Variants in LCA5 observed in about 807,000 individuals in gnomAD.
The protein encoded by LCA5 is lebercilin LCA5, also known as lebercilin.
LCA5 carries 37 observed loss-of-function variants against 53.0 expected under a neutral mutation model. The ratio of observed to expected loss-of-function variants is 0.70; its 90% CI spans 0.54 to 0.92. The LOEUF is 0.92. LCA5 is among the 40% of genes least tolerant of loss of function. LCA5 has a pLI of 0.00. For synonymous variants in LCA5, 303 were observed against 282.9 expected, an observed-to-expected ratio of 1.07 and a Z score of -0.71; for missense variants, 806 against 790.5, an observed-to-expected ratio of 1.02 and a Z score of -0.23.
chr6:79,502,802 TAG>T (rs963041327), intron 3 of LCA5, among the ~76,000 whole-genome samples: 8 of 152,134 alleles, frequency 5.3e-5, no homozygotes, highest in Non-Finnish European at 1.0e-4. Context: ...AACAAATTAA[TAG>T]AGCAACAGAA....
chr6:79,514,451 G>A (rs1015245566), intron 2 of LCA5, among the ~76,000 whole-genome samples: 4 of 152,128 alleles, frequency 2.6e-5, no homozygotes, highest in East Asian at 1.9e-4. Flanking sequence ...GAAAGACAGT[G>A]TGGCAATTCC....
intron 3 of LCA5, among the ~76,000 whole-genome samples, chr6:79,502,164 T>C (rs1397622049): frequency 6.6e-6 from 1 of 152,152 alleles, no homozygotes; most frequent in Non-Finnish European, 1.5e-5. Flanking sequence ...CTCCTAGTCT[T>C]CCTAACTCTC....
chr6:79,491,709 G>A lies in LCA5; in HGVS notation c.977C>T (p.Ala326Val), dbSNP rs767564005. 6.2e-7 allele frequency: 1 copy of A among 1,612,626 alleles called. No individual in the cohort carries two copies. The highest frequency in any genetic ancestry group is 8.5e-7 in the Non-Finnish European group (1 of 1,179,074). The change falls in exon 6 of 8, where the codon GCA (alanine) becomes GTA (valine). Residue 326 changes from alanine (A) to valine (V), a missense_variant. By Grantham distance (64) the Ala-to-Val change is moderately conservative. Transcript: ENST00000369846. ...TTGTACTCCTTTTGTACACAGGTCT[G>A]CAAAATCACTCTGGCATGCAGCTAC... is the stretch of plus-strand genomic sequence containing the variant. ...RKNAACQSDF[A>V]DLCTKGVQTM...
At position 79,486,219 on chromosome 6, in the gene LCA5, A is replaced by G. The variant is rs553474338; in HGVS notation, c.*785T>C. 1.4e-4 allele frequency: 21 copies of G among 152,290 alleles called. No homozygotes were observed. The highest frequency in any genetic ancestry group is 2.4e-5 in the African/African-American group (1 of 41,562). 9.4% of individuals were successfully genotyped at this position (152,290 alleles called of 1,614,324 possible). A position where few individuals can be genotyped will look rare whatever the true frequency, so the allele number is the denominator to read the frequency against. The stretch of plus-strand genomic sequence containing the variant: ...ATTTCCACTATTCCTTGCATTTGGC[A>G]TGAAATCTTACACCCAGTCACTGAG... On this transcript the variant is annotated 3_prime_UTR_variant, in exon 8 of 8. Coordinates refer to ENST00000369846, the MANE Select transcript of LCA5 (RefSeq NM_001122769.3).
chr6:79,487,012 G>A lies in LCA5; in HGVS notation c.2086C>T (p.Leu696=). ...SVEDEIEEVA[L]R Reference sequence around the variant, plus strand: ...ATGTATACTCTAGTCAGTCATCTCAGTGCTACTTCTTCAATTTCATCTTCT... The same window carrying A: ...ATGTATACTCTAGTCAGTCATCTCAATGCTACTTCTTCAATTTCATCTTCT... The change falls in exon 8 of 8, where the codon CTG becomes TTG. Residue 696 remains leucine (L), a synonymous_variant. Coordinates refer to ENST00000369846, the MANE Select transcript of LCA5 (RefSeq NM_001122769.3). 6.2e-7 allele frequency: 1 copy of A among 1,612,592 alleles called. No individual in the cohort carries two copies. Among genetic ancestry groups the A allele is most frequent in the East Asian group, 2.2e-5 (1 of 44,848 alleles).
chr6:79,528,107 C>G (rs1487301975), intron 1 of LCA5, among the ~76,000 whole-genome samples: 1 of 152,174 alleles, frequency 6.6e-6, no homozygotes, highest in East Asian at 1.9e-4. Flanking sequence ...TCCATTTCCT[C>G]TAGGATAAAA....
intron 3 of LCA5, among the ~76,000 whole-genome samples, chr6:79,507,175 T>A (rs1020122090): frequency 5.9e-5 from 9 of 152,158 alleles, no homozygotes; most frequent in Admixed American, 1.3e-4. Flanking sequence ...GAAGCAGATA[T>A]GAGGACCCAG....
At chr6:79,538,480 C>T (rs1381077173), upstream of LCA5, among the ~76,000 whole-genome samples, 1 of 152,056 alleles carries the variant, frequency 6.6e-6, no homozygotes, top group Non-Finnish European at 1.5e-5. Context: ...TTTCTGTATG[C>T]GAAATACATC....
intron 3 of LCA5, among the ~76,000 whole-genome samples, chr6:79,505,270 T>C (rs776059835): frequency 2.0e-5 from 3 of 152,192 alleles, no homozygotes; most frequent in Non-Finnish European, 4.4e-5. Context: ...ATAATTTCAT[T>C]ATAAATCTTC....
chr6:79,499,478 A>G lies in LCA5; in HGVS notation c.721-5728T>C, dbSNP rs374874179. 5.8e-4 allele frequency among the ~76,000 whole-genome samples: 88 copies of G among 152,154 alleles called. 1 individual carries two copies. In the East Asian group the frequency reaches 8.7e-3, roughly 15 times the overall value. ...TAATGTCAGCTTATTTTAGCAAAAT[A>G]AGATCTAAAGCAAAAATAGAAAAAT... On this transcript the variant is annotated intron_variant, in intron 3 of 7. Coordinates refer to ENST00000369846, the MANE Select transcript of LCA5 (RefSeq NM_001122769.3).
At chr6:79,494,605 TC>T in intron 3 of LCA5, among the ~76,000 whole-genome samples, 1 of 152,236 alleles carries the variant, frequency 6.6e-6, no homozygotes, top group South Asian at 2.1e-4. Context: ...ATTGTGATAA[TC>T]ACTGCCAACA....
upstream of LCA5, among the ~76,000 whole-genome samples, chr6:79,537,690 G>A (rs1767198298): frequency 6.6e-6 from 1 of 152,340 alleles, no homozygotes; most frequent in East Asian, 1.9e-4. Context: ...TGGGCTCCGA[G>A]AGGGACGCGG....
intron 3 of LCA5, among the ~76,000 whole-genome samples, chr6:79,494,701 A>G (rs1162471413): frequency 6.6e-6 from 1 of 152,224 alleles, no homozygotes; most frequent in Non-Finnish European, 1.5e-5. Flanking sequence ...CTGTAATAAC[A>G]CAATCTTTTT....
chr6:79,517,323 A>G (rs192930588), intron 2 of LCA5, among the ~76,000 whole-genome samples: 6 of 152,262 alleles, frequency 3.9e-5, no homozygotes, highest in Admixed American at 3.9e-4. Context: ...TAAGGCTTAC[A>G]AAGTTCAGAC....
intron 4 of LCA5, among the ~76,000 whole-genome samples, 195 bp downstream of exon 4, chr6:79,493,418 T>C (rs1300625426): frequency 1.3e-5 from 2 of 152,190 alleles, no homozygotes; most frequent in Non-Finnish European, 2.9e-5. Flanking sequence ...TTCACCTTTT[T>C]TGTTTTTGTT....
At chr6:79,502,327 G>T (rs1770163177) in intron 3 of LCA5, among the ~76,000 whole-genome samples, 1 of 152,152 alleles carries the variant, frequency 6.6e-6, no homozygotes, top group Non-Finnish European at 1.5e-5. Context: ...CAAGACAGAG[G>T]CAAACTCATA....
In LCA5 at chr6:79,488,064, A is replaced by G. The variant is rs2292110; in HGVS notation, c.1232-198T>C. ...ATATTTAATACGTATTGCATTTAAG[A>G]TTCTCATTTATAAAAAAATTTGTTC... On this transcript the variant is annotated intron_variant, in intron 7 of 7. Coordinates refer to ENST00000369846, the MANE Select transcript of LCA5 (RefSeq NM_001122769.3). 9.4e-6 allele frequency: 5 copies of G among 529,142 alleles called. No homozygotes were observed. The East Asian group carries it at 1.6e-4, about 17-fold the overall frequency. 32.8% of individuals were successfully genotyped at this position (529,142 alleles called of 1,614,324 possible). A position where few individuals can be genotyped will look rare whatever the true frequency, so the allele number is the denominator to read the frequency against.
intron 3 of LCA5, among the ~76,000 whole-genome samples, chr6:79,508,344 A>C (rs1203809472): frequency 6.6e-6 from 1 of 152,172 alleles, no homozygotes; most frequent in Non-Finnish European, 1.5e-5. Context: ...TAAATTACTA[A>C]GATTCTGTGC....
chr6:79,496,094 G>T (rs756703391), intron 3 of LCA5, among the ~76,000 whole-genome samples: 1 of 152,206 alleles, frequency 6.6e-6, no homozygotes, highest in South Asian at 2.1e-4. Flanking sequence ...CTTCAATATC[G>T]TAAGTCATAA....
Sources: gnomAD v4.1 joint callset for allele counts (sites outside exome capture counted in the v4.1 genomes callset) on GRCh38, gnomAD v4.1.1 for gene constraint, MANE v1.5 for transcripts, NCBI Gene and HGNC (gene_info 2026-07-23, HGNC 2026-07-21) for gene names.